Variants in CDC42BPA observed in about 807,000 individuals in gnomAD.
CDC42BPA encodes serine/threonine-protein kinase MRCK alpha.
A neutral mutation model predicts 223.5 loss-of-function variants in CDC42BPA; 80 were observed. That is an observed-to-expected ratio of 0.36 (90% confidence interval 0.30 to 0.43). The LOEUF (loss-of-function observed/expected upper bound fraction) is 0.43, where lower values mean the gene tolerates loss of function less well. CDC42BPA is among the 20% of genes least tolerant of loss of function. The pLI, the probability that CDC42BPA is intolerant of heterozygous loss-of-function variation, is 1.00. For missense variants in CDC42BPA, 1,743 were observed against 2,099.9 expected (o/e 0.83, Z 3.32); for synonymous variants, 694 against 718.6 (o/e 0.97, Z 0.55).
chr1:227,159,987 G>C (rs1035261202), intron 6 of CDC42BPA, among the ~76,000 whole-genome samples: 8 of 152,022 alleles, frequency 5.3e-5, no homozygotes, highest in Non-Finnish European at 1.2e-4. Context: ...GGGACTACAG[G>C]CACGCACCAC....
chr1:227,063,810 G>A lies in CDC42BPA; in HGVS notation c.2904+5967C>T, dbSNP rs559962871. On this transcript the variant is annotated intron_variant, in intron 21 of 36. Coordinates refer to ENST00000366766, the MANE Select transcript of CDC42BPA (RefSeq NM_001394014.1). ...ACAATTGACCATTCCCCCAAGTATCGCTGAAACTATGCTGCCAAGCCTCAG... is the reference window on the plus strand; with the variant it reads ...ACAATTGACCATTCCCCCAAGTATCACTGAAACTATGCTGCCAAGCCTCAG... Among the ~76,000 whole-genome samples, 291 of 152,118 alleles carry A rather than the reference G, an allele frequency of 1.9e-3. 2 individuals carry two copies. The highest frequency in any genetic ancestry group is 6.6e-3 in the African/African-American group (272 of 41,502).
intron 33 of CDC42BPA, 144 bp from the exon 34 acceptor site, chr1:227,016,341 TA>T (rs1249340529): frequency 1.6e-6 from 1 of 619,640 alleles, no homozygotes; most frequent in Non-Finnish European, 2.8e-6. Context: ...TATACTCAAT[TA>T]AAAATGTACT....
At chr1:227,191,820 T>A (rs774750430) in intron 5 of CDC42BPA, among the ~76,000 whole-genome samples, 1 of 152,034 alleles carries the variant, frequency 6.6e-6, no homozygotes, top group Non-Finnish European at 1.5e-5. Context: ...CACAATACCA[T>A]CTTTAAGGCT....
chr1:227,200,660 T>A (rs938467912), intron 3 of CDC42BPA, among the ~76,000 whole-genome samples: 5 of 152,116 alleles, frequency 3.3e-5, no homozygotes, highest in African/African-American at 7.2e-5. Flanking sequence ...GTATTATTAT[T>A]ATACAATGTT....
intron 5 of CDC42BPA, among the ~76,000 whole-genome samples, chr1:227,171,483 C>T (rs1345956124): frequency 3.9e-5 from 6 of 152,056 alleles, no homozygotes; most frequent in East Asian, 1.9e-4. Flanking sequence ...TAGTGGTCCA[C>T]GCCTGCGCTA....
chr1:227,087,891 T>A (rs1682299982), intron 16 of CDC42BPA, among the ~76,000 whole-genome samples: 1 of 152,200 alleles, frequency 6.6e-6, no homozygotes, highest in African/African-American at 2.4e-5. Flanking sequence ...CTTACATTAA[T>A]TCCTGCACTA....
At chr1:227,087,285 A>G (rs1018953675) in intron 16 of CDC42BPA, among the ~76,000 whole-genome samples, 20 of 152,194 alleles carry the variant, frequency 1.3e-4, no homozygotes, top group African/African-American at 4.8e-4. Context: ...TGGATATCCA[A>G]TTGTTCCAGT....
intron 5 of CDC42BPA, 30 bp downstream of exon 5, chr1:227,193,756 A>G (rs1670186699): frequency 3.3e-6 from 5 of 1,537,378 alleles, no homozygotes; most frequent in Non-Finnish European, 4.4e-6. Flanking sequence ...ATGGTAACTC[A>G]CAGCCAGGTA....
At chr1:227,176,558 T>A (rs544149285) in intron 5 of CDC42BPA, among the ~76,000 whole-genome samples, 1 of 152,314 alleles carries the variant, frequency 6.6e-6, no homozygotes, top group South Asian at 2.1e-4. Context: ...CCACAGCATA[T>A]AGCCATTAAT....
At chr1:227,303,978 T>C (rs939086570) in intron 1 of CDC42BPA, among the ~76,000 whole-genome samples, 8 of 152,226 alleles carry the variant, frequency 5.3e-5, no homozygotes, top group African/African-American at 1.9e-4. Flanking sequence ...CTTGAAAAAT[T>C]TGAGATTATC....
chr1:227,200,539 T>C (rs1287648108), intron 3 of CDC42BPA, among the ~76,000 whole-genome samples: 2 of 151,044 alleles, frequency 1.3e-5, no homozygotes, highest in South Asian at 2.1e-4. Context: ...TTTTTTTTTT[T>C]CTCAAGAATG....
chr1:227,094,282 C>T (rs953317009), intron 15 of CDC42BPA, among the ~76,000 whole-genome samples: 2 of 152,188 alleles, frequency 1.3e-5, no homozygotes, highest in African/African-American at 4.8e-5. Context: ...TCACTCCCAC[C>T]TTGAGCTAAA....
At chr1:227,166,415 GA>G (rs1665043854) in intron 5 of CDC42BPA, among the ~76,000 whole-genome samples, 1 of 152,160 alleles carries the variant, frequency 6.6e-6, no homozygotes, top group South Asian at 2.1e-4. Context: ...GGGTAAAAGA[GA>G]AAATGGCTTT....
rs759666049 is a variant in CDC42BPA, at chr1:227,245,284, C to CTTTTTTTTTTTTTTTTTTTT, written c.270+8760_270+8779dup. 2.4e-5 allele frequency among the ~76,000 whole-genome samples: 2 copies of CTTTTTTTTTTTTTTTTTTTT among 81,786 alleles called. 1 individual carries two copies. The highest frequency in any genetic ancestry group is 2.8e-4 in the Admixed American group (2 of 7,256). The allele number at this position is 81,786 out of a possible 152,430, so 53.7% of individuals were successfully genotyped here. A position where few individuals can be genotyped will look rare whatever the true frequency, so the allele number is the denominator to read the frequency against. On this transcript the variant is annotated intron_variant, in intron 2 of 36. Transcript: ENST00000366766. ...GAGTAAAGAGGACTTTGTCTTGCAT[C>CTTTTTTTTTTTTTTTTTTTT]TTTTTTTTTTTTTTTTTTTTTTTGA...
chr1:227,049,535 C>T (rs1291513712), intron 22 of CDC42BPA, among the ~76,000 whole-genome samples: 1 of 151,996 alleles, frequency 6.6e-6, no homozygotes, highest in East Asian at 1.9e-4. Context: ...TCAAAAGCCC[C>T]ATGTGAAATT....
intron 2 of CDC42BPA, among the ~76,000 whole-genome samples, chr1:227,253,259 C>T (rs199524337): frequency 5.1e-5 from 6 of 116,544 alleles, no homozygotes; most frequent in Admixed American, 3.9e-4. Context: ...AGAGAGAGAG[C>T]GAGAGAGAGC....
chr1:227,250,652 G>GTGTA (rs1316996205), intron 2 of CDC42BPA, among the ~76,000 whole-genome samples: 1 of 151,792 alleles, frequency 6.6e-6, no homozygotes, highest in Non-Finnish European at 1.5e-5. Context: ...GTGTGTGTGT[G>GTGTA]TATACCATAA....
At chr1:227,275,605 C>T (rs1686815719) in intron 1 of CDC42BPA, among the ~76,000 whole-genome samples, 1 of 143,242 alleles carries the variant, frequency 7.0e-6, no homozygotes, top group Non-Finnish European at 1.5e-5. Flanking sequence ...CTCCCCCTCT[C>T]CCCCTCCCCA....
At chr1:227,133,029 G>A (rs1437265038) in intron 10 of CDC42BPA, among the ~76,000 whole-genome samples, 3 of 151,688 alleles carry the variant, frequency 2.0e-5, no homozygotes, top group Non-Finnish European at 1.5e-5. Context: ...CACCCCGTCC[G>A]GGAGGGAGGT....
Sources: allele counts gnomAD v4.1 joint callset (sites outside exome capture counted in the v4.1 genomes callset), GRCh38; gene constraint gnomAD v4.1.1; transcripts MANE v1.5; gene names NCBI Gene and HGNC (gene_info 2026-07-23, HGNC 2026-07-21).